The following MACF1 variants were observed in gnomAD, a reference collection of about 807,000 sequenced individuals.
The protein encoded by MACF1 is microtubule-actin cross-linking factor 1.
Under a neutral mutation model 854.8 loss-of-function variants are expected in MACF1, and 193 were observed. The observed-to-expected ratio is 0.23, with a 90% CI of 0.20 to 0.25. The LOEUF (loss-of-function observed/expected upper bound fraction) is 0.25. MACF1 is among the 10% of genes least tolerant of loss of function. MACF1 has a pLI of 1.00. For synonymous variants in MACF1, 3,185 were observed against 3,226.7 expected (o/e 0.99, Z 0.44); for missense variants, 7,722 against 8,929.1 (o/e 0.86, Z 5.45).
At chr1:39,092,827 A>G (rs1438751174) in intron 2 of MACF1, among the ~76,000 whole-genome samples, 7 of 151,248 alleles carry the variant, frequency 4.6e-5, no homozygotes, top group African/African-American at 1.7e-4. Context: ...TCTGTTGCCC[A>G]GGCTAGAGTG....
At chr1:39,149,313 C>G (rs576055270) in intron 2 of MACF1, among the ~76,000 whole-genome samples, 1 of 152,156 alleles carries the variant, frequency 6.6e-6, no homozygotes, top group Non-Finnish European at 1.5e-5. Flanking sequence ...TGGGGGATCA[C>G]TTGAGGTCAG....
chr1:39,109,304 C>G (rs886122665), intron 2 of MACF1, among the ~76,000 whole-genome samples: 2 of 152,180 alleles, frequency 1.3e-5, no homozygotes, highest in Admixed American at 6.5e-5. Flanking sequence ...GAATCTTGCT[C>G]TGTTGCTCAG....
chr1:39,386,953 C>T (rs1023480971), intron 57 of MACF1, among the ~76,000 whole-genome samples: 6 of 152,170 alleles, frequency 3.9e-5, no homozygotes, highest in East Asian at 3.8e-4. Flanking sequence ...ATGACTTTCA[C>T]GTTTACCAGC....
intron 2 of MACF1, among the ~76,000 whole-genome samples, chr1:39,124,365 T>C (rs188550957): frequency 1.3e-5 from 2 of 152,270 alleles, no homozygotes. Context: ...TGACAGTTTC[T>C]CATATGTGTA....
intron 23 of MACF1, among the ~76,000 whole-genome samples, chr1:39,305,455 A>T (rs1646152368): frequency 6.6e-6 from 1 of 152,110 alleles, no homozygotes; most frequent in Admixed American, 6.5e-5. Context: ...CACATTTCCA[A>T]ATGTAATTTT....
chr1:39,482,526 G>A (rs539930828), intron 99 of MACF1, among the ~76,000 whole-genome samples: 14 of 152,128 alleles, frequency 9.2e-5, no homozygotes, highest in African/African-American at 3.4e-4. Context: ...TTGTTTGTTT[G>A]TTTGTTTTTT....
intron 78 of MACF1, among the ~76,000 whole-genome samples, chr1:39,443,213 G>A (rs1644155097): frequency 6.6e-6 from 1 of 152,032 alleles, no homozygotes; most frequent in Admixed American, 6.5e-5. Flanking sequence ...TTAATCAATA[G>A]TCAATTCATC....
chr1:39,097,525 C>T (rs1173842791), intron 2 of MACF1, among the ~76,000 whole-genome samples: 3 of 152,032 alleles, frequency 2.0e-5, no homozygotes, highest in African/African-American at 2.4e-5. Context: ...GGTTCAACAT[C>T]GGCCTGGGTT....
At chr1:39,290,603 T>G (rs1022140527) in intron 15 of MACF1, among the ~76,000 whole-genome samples, 27 of 151,270 alleles carry the variant, frequency 1.8e-4, no homozygotes, top group Non-Finnish European at 2.8e-4. Context: ...ATCTGTTTTT[T>G]TTTTTTTTTT....
At chr1:39,195,921 A>G (rs12566054) in intron 2 of MACF1, among the ~76,000 whole-genome samples, 3 of 152,102 alleles carry the variant, frequency 2.0e-5, no homozygotes, top group African/African-American at 7.2e-5. Context: ...AGGTGAGGTA[A>G]GTTATCAGTT....
chr1:39,384,688 G>A (rs1184613737), intron 56 of MACF1, among the ~76,000 whole-genome samples: 4 of 152,112 alleles, frequency 2.6e-5, no homozygotes, highest in Non-Finnish European at 5.9e-5. Context: ...TATGCTCTTC[G>A]AATTCTAAGA....
intron 2 of MACF1, among the ~76,000 whole-genome samples, chr1:39,108,140 C>T (rs767036020): frequency 2.0e-5 from 3 of 151,774 alleles, no homozygotes; most frequent in Non-Finnish European, 4.4e-5. Context: ...CCCTTATTTC[C>T]TAAATGTCCC....
chr1:39,241,659 CAAAAAAAAAA>C (rs35678466), intron 2 of MACF1, among the ~76,000 whole-genome samples: 2 of 51,506 alleles, frequency 3.9e-5, no homozygotes, highest in Admixed American at 2.3e-4. Context: ...GACTCCATCT[CAAAAAAAAAA>C]AAAAAAAAAA....
At chr1:39,088,331 C>T (rs1015273576) in intron 2 of MACF1, among the ~76,000 whole-genome samples, 2 of 152,120 alleles carry the variant, frequency 1.3e-5, no homozygotes, top group African/African-American at 2.4e-5. Flanking sequence ...TCAGGTGATC[C>T]GCTTGCCTTG....
At chr1:39,315,350 G>C (rs1646391239) in intron 26 of MACF1, among the ~76,000 whole-genome samples, 163 bp from the exon 27 acceptor site, 1 of 152,078 alleles carries the variant, frequency 6.6e-6, no homozygotes, top group African/African-American at 2.4e-5. Context: ...ATTTACAGCT[G>C]CATAATTCTC....
At chr1:39,181,261 A>G (rs1182752588) in intron 2 of MACF1, among the ~76,000 whole-genome samples, 1 of 152,222 alleles carries the variant, frequency 6.6e-6, no homozygotes, top group Non-Finnish European at 1.5e-5. Flanking sequence ...CCTCCAAATC[A>G]GGGGTCTCCA....
chr1:39,345,349 G>A (rs1418548475), intron 40 of MACF1, among the ~76,000 whole-genome samples: 1 of 152,080 alleles, frequency 6.6e-6, no homozygotes, highest in Non-Finnish European at 1.5e-5. Flanking sequence ...GGTGGCTCAT[G>A]CCTGTAATCC....
intron 58 of MACF1, among the ~76,000 whole-genome samples, chr1:39,405,422 C>T (rs1642659534): frequency 1.3e-5 from 2 of 152,214 alleles, no homozygotes; most frequent in African/African-American, 2.4e-5. Context: ...CAAGAGAGAG[C>T]ACCCATCAAG....
chr1:39,470,174 C>G (rs1053234305), intron 97 of MACF1, among the ~76,000 whole-genome samples: 6 of 152,182 alleles, frequency 3.9e-5, no homozygotes, highest in African/African-American at 7.2e-5. Flanking sequence ...TACATAACTT[C>G]TTTGGAAATG....
Sources: allele counts gnomAD v4.1 joint callset (sites outside exome capture counted in the v4.1 genomes callset), GRCh38; gene constraint gnomAD v4.1.1; transcripts MANE v1.5; gene names NCBI Gene and HGNC (gene_info 2026-07-23, HGNC 2026-07-21).